PCDHGC3: variants seen among roughly 807,000 people sequenced by gnomAD.
The protein encoded by PCDHGC3 is protocadherin gamma-C3.
A neutral mutation model predicts 59.2 loss-of-function variants in PCDHGC3; 26 were observed. That is an observed-to-expected ratio of 0.44 (90% CI 0.32 to 0.61). PCDHGC3 has a LOEUF of 0.61. Among genes scored for constraint, PCDHGC3 ranks in the 20% least tolerant of loss-of-function variants. The pLI is 0.05. For missense variants in PCDHGC3, 1,080 were observed against 1,221.8 expected, an observed-to-expected ratio of 0.88 and a Z score of 1.73; for synonymous variants, 487 against 519.7, an observed-to-expected ratio of 0.94 and a Z score of 0.86.
intron 1 of PCDHGC3, among the ~76,000 whole-genome samples, chr5:141,492,760 C>T (rs991820569): frequency 1.3e-5 from 2 of 152,212 alleles, no homozygotes; most frequent in Admixed American, 1.3e-4. Context: ...CAGGGCTCCG[C>T]GTTGGGCGAG....
Position 141,490,721 on chromosome 5 carries a change from T to C in PCDHGC3, c.2431-4086T>C, listed in dbSNP as rs779242781. On this transcript the variant is annotated intron_variant, in intron 1 of 3. Coordinates refer to ENST00000308177, the MANE Select transcript of PCDHGC3 (RefSeq NM_002588.4). This position sits in a 1 kb window ranked among gnomAD's most constrained non-coding sequence, Gnocchi z 5.4. The stretch of plus-strand genomic sequence containing the variant: ...AATGCCCGCCTCACCTACTCCATTG[T>C]AGGAAATCAGGTTCAGGGAGCCCCA... 23 of 1,614,056 alleles carry C rather than the reference T, an allele frequency of 1.4e-5. No individual in the cohort carries two copies. The highest frequency in any genetic ancestry group is 6.6e-5 in the South Asian group (6 of 91,080).
intron 2 of PCDHGC3, among the ~76,000 whole-genome samples, chr5:141,496,008 C>CT (rs1468405718): frequency 2.0e-5 from 3 of 151,956 alleles, no homozygotes; most frequent in Non-Finnish European, 4.4e-5. Flanking sequence ...TTTATCTTGT[C>CT]TTTTTTCTCT....
intron 1 of PCDHGC3, among the ~76,000 whole-genome samples, chr5:141,488,541 T>C (rs2099676694): frequency 6.6e-6 from 1 of 152,184 alleles, no homozygotes; most frequent in South Asian, 2.1e-4. Flanking sequence ...CTAAGTCCCA[T>C]GTCAGCTGAC....
chr5:141,494,756 A>G (rs780402065), intron 1 of PCDHGC3, 51 bp from the exon 2 acceptor site: 2 of 1,613,460 alleles, frequency 1.2e-6, no homozygotes, highest in South Asian at 1.1e-5. Context: ...CTCGGGTGAC[A>G]TTCTAACTTC....
intron 1 of PCDHGC3, 138 bp from the exon 2 acceptor site, chr5:141,494,669 T>A: frequency 6.5e-7 from 1 of 1,527,472 alleles, no homozygotes; most frequent in South Asian, 1.2e-5. Context: ...TGGAGATGAG[T>A]CCACCCCTGC....
chr5:141,497,954 G>A (rs1203635313), intron 2 of PCDHGC3, among the ~76,000 whole-genome samples: 7 of 152,198 alleles, frequency 4.6e-5, no homozygotes, highest in Non-Finnish European at 1.5e-5. Context: ...CTTTCTGTTG[G>A]CCAGGCAGTG....
intron 2 of PCDHGC3, among the ~76,000 whole-genome samples, chr5:141,497,390 C>T (rs2099776143): frequency 6.6e-6 from 1 of 152,158 alleles, no homozygotes; most frequent in Non-Finnish European, 1.5e-5. Context: ...GAGCACCTTA[C>T]CCCTGCCTCA....
At position 141,491,682 on chromosome 5, in the gene PCDHGC3, G is replaced by A. The variant is rs11952292; in HGVS notation, c.2431-3125G>A. The A allele has an allele frequency of 1.9e-6, 3 of 1,613,150 alleles. No individual in the cohort carries two copies. Among genetic ancestry groups the A allele is most frequent in the South Asian group, 1.1e-5 (1 of 91,046 alleles). On this transcript the variant is annotated intron_variant, in intron 1 of 3. Coordinates refer to ENST00000308177, the MANE Select transcript of PCDHGC3 (RefSeq NM_002588.4). The surrounding 1 kb of genome is among the most constrained non-coding windows in gnomAD (Gnocchi z 6.9). Reference sequence around the variant, plus strand: ...ACGCCATCCGGTCCCGCTCTAATACGCTGCGGGAGCGGAGCCAGGTGAGGG... The same window carrying A: ...ACGCCATCCGGTCCCGCTCTAATACACTGCGGGAGCGGAGCCAGGTGAGGG...
chr5:141,488,054 A>G (rs1255295788), intron 1 of PCDHGC3, among the ~76,000 whole-genome samples: 1 of 152,206 alleles, frequency 6.6e-6, no homozygotes, highest in Admixed American at 6.5e-5. Flanking sequence ...TTGAGGGGAA[A>G]TAAAATCTTT....
In PCDHGC3 at chr5:141,477,442, A is replaced by G; in HGVS notation, c.1326A>G (p.Ile442Met). The G allele has an allele frequency of 6.2e-7, 1 of 1,614,132 alleles. No individual in the cohort carries two copies. Among genetic ancestry groups the G allele is most frequent in the Non-Finnish European group, 8.5e-7 (1 of 1,180,022 alleles). ...CCCCTTCCCTCTCAGCCCTTACAAT[A>G]GTGCGTGTTCAAGTGTCCGACATCA... ...AGTPSLSALT[I>M]VRVQVSDIND... Residue 442 changes from isoleucine to methionine, a missense_variant, in exon 1 of 4, where the codon ATA becomes ATG. Coordinates refer to ENST00000308177, the MANE Select transcript of PCDHGC3 (RefSeq NM_002588.4). This position sits in a 1 kb window ranked among gnomAD's most constrained non-coding sequence, Gnocchi z 4.9.
intron 1 of PCDHGC3, chr5:141,479,196 C>T (rs2099489838): frequency 2.0e-5 from 3 of 152,432 alleles, no homozygotes; most frequent in African/African-American, 7.2e-5. Context: ...TCAGAAAATA[C>T]AGAAAAGTAT....
Position 141,486,486 on chromosome 5 carries a change from A to G in PCDHGC3, c.2430+7940A>G. The G allele has an allele frequency of 6.2e-7, 1 of 1,614,056 alleles. No individual in the cohort carries two copies. Among genetic ancestry groups the G allele is most frequent in the South Asian group, 1.1e-5 (1 of 91,084 alleles). ...GCTGGGAACCCTCCTCTCAGTACCC[A>G]CAGAACTATTTTCCTCAATATTTCA... On this transcript the variant is annotated intron_variant, in intron 1 of 3. Coordinates refer to ENST00000308177, the MANE Select transcript of PCDHGC3 (RefSeq NM_002588.4). The surrounding 1 kb of genome is among the most constrained non-coding windows in gnomAD (Gnocchi z 5.0).
intron 2 of PCDHGC3, among the ~76,000 whole-genome samples, chr5:141,498,112 AG>A (rs947089103): frequency 2.0e-5 from 3 of 152,232 alleles, no homozygotes; most frequent in African/African-American, 7.2e-5. Flanking sequence ...GGCGTATAAT[AG>A]GGATTTGATT....
chr5:141,481,348 T>C (rs2099536105), intron 1 of PCDHGC3, among the ~76,000 whole-genome samples: 1 of 152,250 alleles, frequency 6.6e-6, no homozygotes, highest in Non-Finnish European at 1.5e-5. Flanking sequence ...TATTTAAACA[T>C]CTACAGCTGT....
rs774079222 is a variant in PCDHGC3, at chr5:141,491,314, C to G, written c.2431-3493C>G. On this transcript the variant is annotated intron_variant, in intron 1 of 3. Transcript: ENST00000308177. The surrounding 1 kb of genome is among the most constrained non-coding windows in gnomAD (Gnocchi z 6.9). ...CCCTCCTGAGCGTTCAGACCTTACC[C>G]TTTACCTCATTGTGGCTCTAGCGAC... is the stretch of plus-strand genomic sequence containing the variant. 6 of 1,614,064 alleles carry G rather than the reference C, an allele frequency of 3.7e-6. No individual in the cohort carries two copies. In the South Asian group the frequency reaches 5.5e-5, roughly 15 times the overall value.
At chr5:141,488,866 G>A (rs957501628) in intron 1 of PCDHGC3, among the ~76,000 whole-genome samples, 1 of 152,148 alleles carries the variant, frequency 6.6e-6, no homozygotes, top group African/African-American at 2.4e-5. Flanking sequence ...GAAGTGAGTG[G>A]GGAGGTAGGA....
rs200491568 is a variant in PCDHGC3, at chr5:141,493,146, G to A, written c.2431-1661G>A. 9.6e-6 allele frequency among the ~76,000 whole-genome samples: 1 copy of A among 104,172 alleles called. No homozygotes were observed. The highest frequency in any genetic ancestry group is 3.1e-5 in the African/African-American group (1 of 32,680). 68.3% of individuals were successfully genotyped at this position (104,172 alleles called of 152,430 possible). A position where few individuals can be genotyped will look rare whatever the true frequency, so the allele number is the denominator to read the frequency against. On this transcript the variant is annotated intron_variant, in intron 1 of 3. Transcript: ENST00000308177. The surrounding 1 kb of genome is among the most constrained non-coding windows in gnomAD (Gnocchi z 4.3). ...AGGACTGTATTTTGAAACACCCCCA[G>A]GTGATTTTGATAGCTGATTGAGAGA... is the stretch of plus-strand genomic sequence containing the variant.
At position 141,491,290 on chromosome 5, in the gene PCDHGC3, C is replaced by T. The variant is rs747758229; in HGVS notation, c.2431-3517C>T. Reference sequence around the variant, plus strand: ...CAAATCCAGTGACTTCCTCATACACCCTCCTGAGCGTTCAGACCTTACCCT... The same window carrying T: ...CAAATCCAGTGACTTCCTCATACACTCTCCTGAGCGTTCAGACCTTACCCT... On this transcript the variant is annotated intron_variant, in intron 1 of 3. Coordinates refer to ENST00000308177, the MANE Select transcript of PCDHGC3 (RefSeq NM_002588.4). The surrounding 1 kb of genome is among the most constrained non-coding windows in gnomAD (Gnocchi z 6.9). 6.2e-7 allele frequency: 1 copy of T among 1,613,974 alleles called. No homozygotes were observed. Among genetic ancestry groups the T allele is most frequent in the Non-Finnish European group, 8.5e-7 (1 of 1,179,952 alleles).
At position 141,489,097 on chromosome 5, in the gene PCDHGC3, C is replaced by A; in HGVS notation, c.2431-5710C>A. ...ACCCCCGCCACTCGGTGACTAAGAA[C>A]TGCTGCAAGCAGGCAAACCTCCGAG... On this transcript the variant is annotated intron_variant, in intron 1 of 3. Transcript: ENST00000308177. This position sits in a 1 kb window ranked among gnomAD's most constrained non-coding sequence, Gnocchi z 4.5. The A allele has an allele frequency of 2.6e-5, 8 of 313,358 alleles. No homozygotes were observed. Among genetic ancestry groups the A allele is most frequent in the Non-Finnish European group, 3.5e-5 (6 of 172,456 alleles). The allele number at this position is 313,358 out of a possible 1,614,324, so 19.4% of individuals were successfully genotyped here. A position where few individuals can be genotyped will look rare whatever the true frequency, so the allele number is the denominator to read the frequency against.
Sources: gnomAD v4.1 joint callset for allele counts (sites outside exome capture counted in the v4.1 genomes callset) on GRCh38, gnomAD v4.1.1 for gene constraint, Gnocchi (gnomAD v3.1) non-coding constraint, MANE v1.5 for transcripts, NCBI Gene and HGNC (gene_info 2026-07-23, HGNC 2026-07-21) for gene names.